Variants in PRUNE2 observed in about 807,000 individuals in gnomAD.
PRUNE2 encodes the protein prune homolog 2 with BCH domain, also known as protein prune homolog 2.
A neutral mutation model predicts 252.0 loss-of-function variants in PRUNE2; 164 were observed. The ratio of observed to expected loss-of-function variants is 0.65; its 90% CI spans 0.57 to 0.74. The LOEUF (loss-of-function observed/expected upper bound fraction) is 0.74. PRUNE2 is among the 30% of genes least tolerant of loss of function. PRUNE2 has a pLI of 0.00. For missense variants in PRUNE2, 3,495 were observed against 3,711.0 expected (o/e 0.94, Z 1.51); for synonymous variants, 1,292 against 1,350.2 (o/e 0.96, Z 0.94).
In PRUNE2 at chr9:76,618,309, C is replaced by G. The variant is rs115773728; in HGVS notation, c.9236+1031G>C. Among the ~76,000 whole-genome samples, 674 of 152,220 alleles carry G rather than the reference C, an allele frequency of 4.4e-3. 6 individuals carry two copies. The highest frequency in any genetic ancestry group is 0.015 in the African/African-American group (641 of 41,536). ...TGTGAAGATATTTCACTATAATTTT[C>G]CAACTTCCTTTTGGACCTCAACGCA... On this transcript the variant is annotated intron_variant, in intron 18 of 18. Coordinates refer to ENST00000376718, the MANE Select transcript of PRUNE2 (RefSeq NM_015225.3).
rs542126578 is a variant in PRUNE2 at position 76,666,282 on chromosome 9, C to T, written c.8277-10780G>A. On this transcript the variant is annotated intron_variant, in intron 9 of 18. Coordinates refer to ENST00000376718, the MANE Select transcript of PRUNE2 (RefSeq NM_015225.3). ...CCTGGAAAGGGAGTCTCTCTTTCCC[C>T]GGGGAAGTTTAGAGAAGACTCTACT... is the stretch of plus-strand genomic sequence containing the variant. Among the ~76,000 whole-genome samples, 12 of 152,162 alleles carry T rather than the reference C, an allele frequency of 7.9e-5. No individual in the cohort carries two copies. In the South Asian group the frequency reaches 1.0e-3, roughly 13 times the overall value.
intron 6 of PRUNE2, among the ~76,000 whole-genome samples, chr9:76,718,902 A>G (rs552814153): frequency 1.3e-5 from 2 of 152,210 alleles, no homozygotes; most frequent in South Asian, 4.1e-4. Flanking sequence ...ATTATCCTTG[A>G]TTGTTTTTTT....
chr9:76,771,525 G>A (rs921250097), intron 6 of PRUNE2, among the ~76,000 whole-genome samples: 2 of 152,170 alleles, frequency 1.3e-5, no homozygotes, highest in East Asian at 1.9e-4. Flanking sequence ...GGAAGACTAC[G>A]GTGAGTCGGG....
intron 1 of PRUNE2, among the ~76,000 whole-genome samples, chr9:76,899,270 C>T (rs2063030941): frequency 6.6e-6 from 1 of 152,216 alleles, no homozygotes; most frequent in Non-Finnish European, 1.5e-5. Flanking sequence ...CCCCATTCCT[C>T]TCCTCTGCCT....
intron 1 of PRUNE2, among the ~76,000 whole-genome samples, chr9:76,894,248 C>A (rs997479515): frequency 6.6e-6 from 1 of 152,206 alleles, no homozygotes; most frequent in Non-Finnish European, 1.5e-5. Flanking sequence ...CTCCAGAAGT[C>A]TCTTTATACT....
chr9:76,881,560 T>C (rs943310635), intron 1 of PRUNE2, among the ~76,000 whole-genome samples: 1 of 152,108 alleles, frequency 6.6e-6, no homozygotes, highest in African/African-American at 2.4e-5. Flanking sequence ...ATATTCTCCA[T>C]TGCCCCAGCA....
At chr9:76,628,920 C>T (rs1836180605) in intron 16 of PRUNE2, among the ~76,000 whole-genome samples, 1 of 151,864 alleles carries the variant, frequency 6.6e-6, no homozygotes, top group Admixed American at 6.6e-5. Context: ...TCACAGCTCA[C>T]TGCAGCCTTG....
chr9:76,861,708 T>C (rs1182025395), intron 1 of PRUNE2, among the ~76,000 whole-genome samples: 1 of 152,192 alleles, frequency 6.6e-6, no homozygotes, highest in Non-Finnish European at 1.5e-5. Flanking sequence ...CAAATATCAT[T>C]TATATACTTC....
At chr9:76,623,379 C>T (rs1444021899) in intron 17 of PRUNE2, among the ~76,000 whole-genome samples, 1 of 151,536 alleles carries the variant, frequency 6.6e-6, no homozygotes, top group Non-Finnish European at 1.5e-5. Context: ...ACTGCAATCT[C>T]CGCCTCCCAG....
intron 6 of PRUNE2, among the ~76,000 whole-genome samples, chr9:76,796,575 G>A (rs1363379186): frequency 6.6e-6 from 1 of 152,142 alleles, no homozygotes; most frequent in East Asian, 1.9e-4. Flanking sequence ...TATAAAATGG[G>A]TAGACTGAAA....
At chr9:76,812,322 G>A (rs1247279962) in intron 6 of PRUNE2, among the ~76,000 whole-genome samples, 5 of 152,122 alleles carry the variant, frequency 3.3e-5, no homozygotes, top group Non-Finnish European at 7.4e-5. Context: ...AATTTTATTT[G>A]TCCTTTAAAC....
At chr9:76,893,940 G>A (rs879456290) in intron 1 of PRUNE2, among the ~76,000 whole-genome samples, 1 of 152,124 alleles carries the variant, frequency 6.6e-6, no homozygotes, top group African/African-American at 2.4e-5. Flanking sequence ...TTCATGGATG[G>A]CTTTATTTTA....
intron 1 of PRUNE2, among the ~76,000 whole-genome samples, chr9:76,882,588 C>A (rs2061849726): frequency 6.6e-6 from 1 of 152,034 alleles, no homozygotes; most frequent in South Asian, 2.1e-4. Context: ...AAGCGGGGAG[C>A]AAAGCGTCTC....
chr9:76,813,849 C>T (rs972414959), intron 6 of PRUNE2, among the ~76,000 whole-genome samples: 5 of 152,140 alleles, frequency 3.3e-5, no homozygotes, highest in African/African-American at 1.2e-4. Flanking sequence ...CAGAGTCTCT[C>T]TCTGTCACCC....
chr9:76,629,254 G>A lies in PRUNE2; in HGVS notation c.9087C>T (p.Ser3029=). 1.3e-6 allele frequency: 2 copies of A among 1,591,872 alleles called. No homozygotes were observed. The highest frequency in any genetic ancestry group is 8.5e-7 in the Non-Finnish European group (1 of 1,169,656). Reference sequence around the variant, plus strand: ...GGATCAGCCCACTGAGTTCTGATAAGCTATTGACATATTTAATTTTACTGC... The same window carrying A: ...GGATCAGCCCACTGAGTTCTGATAAACTATTGACATATTTAATTTTACTGC... The part of the protein sequence containing the change: ...KFSSKIKYVN[S]LSELSGLIPM... Residue 3029 remains serine (S), a synonymous_variant, in exon 16 of 19, where the codon AGC becomes AGT. Coordinates refer to ENST00000376718, the MANE Select transcript of PRUNE2 (RefSeq NM_015225.3).
At chr9:76,861,541 T>C (rs570363588) in intron 1 of PRUNE2, among the ~76,000 whole-genome samples, 5 of 152,242 alleles carry the variant, frequency 3.3e-5, no homozygotes, top group African/African-American at 1.2e-4. Flanking sequence ...AGGCAAAACC[T>C]AAACCCAAAG....
intron 6 of PRUNE2, among the ~76,000 whole-genome samples, chr9:76,714,546 CA>C (rs35230302): frequency 0.49 from 74,606 of 151,846 alleles, 20,182 homozygotes; most frequent in Middle Eastern, 0.69. Flanking sequence ...AGGTGTGTAT[CA>C]CCATGCCCAG....
intron 4 of PRUNE2, among the ~76,000 whole-genome samples, chr9:76,827,671 T>C (rs1324620152): frequency 2.6e-5 from 4 of 151,852 alleles, no homozygotes; most frequent in Non-Finnish European, 5.9e-5. Context: ...AAAGGGGAAA[T>C]AAAGCATCCA....
At chr9:76,900,877 C>A (rs546593327) in intron 1 of PRUNE2, among the ~76,000 whole-genome samples, 32 of 152,240 alleles carry the variant, frequency 2.1e-4, no homozygotes, top group African/African-American at 7.5e-4. Context: ...TACAGGAGCT[C>A]CCCAGACCAG....
Sources: gnomAD v4.1 joint callset for allele counts (sites outside exome capture counted in the v4.1 genomes callset) on GRCh38, gnomAD v4.1.1 for gene constraint, MANE v1.5 for transcripts, NCBI Gene and HGNC (gene_info 2026-07-23, HGNC 2026-07-21) for gene names.